Variants in PIEZO2 observed in about 807,000 individuals in gnomAD.
PIEZO2 encodes piezo-type mechanosensitive ion channel component 2.
A neutral mutation model predicts 337.3 loss-of-function variants in PIEZO2; 172 were observed. That is an observed-to-expected ratio of 0.51 (90% CI 0.45 to 0.58). The LOEUF (loss-of-function observed/expected upper bound fraction) is 0.58. Among genes scored for constraint, PIEZO2 ranks in the 20% least tolerant of loss-of-function variants. PIEZO2 has a pLI of 0.00. For missense variants in PIEZO2, 3,028 were observed against 3,391.3 expected, an observed-to-expected ratio of 0.89 and a Z score of 2.66; for synonymous variants, 1,251 against 1,228.5, an observed-to-expected ratio of 1.02 and a Z score of -0.38.
chr18:10,795,210 A>T lies in PIEZO2; in HGVS notation c.1528-208T>A, dbSNP rs1377946170. On this transcript the variant is annotated intron_variant, in intron 12 of 55. Coordinates refer to ENST00000674853, the MANE Select transcript of PIEZO2 (RefSeq NM_001378183.1). The surrounding 1 kb of genome is among the most constrained non-coding windows in gnomAD (Gnocchi z 4.4). ...TTTAAAGCTTTAACATTGTAGCTCC[A>T]TTAACACAGCAGAATGGTACCGGAC... Among the ~76,000 whole-genome samples the T allele has an allele frequency of 6.6e-6, 1 of 152,240 alleles. No individual in the cohort carries two copies. Among genetic ancestry groups the T allele is most frequent in the African/African-American group, 2.4e-5 (1 of 41,464 alleles).
chr18:10,721,843 C>G (rs2036323347), intron 36 of PIEZO2, among the ~76,000 whole-genome samples: 1 of 152,098 alleles, frequency 6.6e-6, no homozygotes, highest in Non-Finnish European at 1.5e-5. Context: ...CAAATTAGAT[C>G]TCCACTTCAT....
In PIEZO2 at chr18:11,097,828, C is replaced by T. The variant is rs1016898050; in HGVS notation, c.65-31606G>A. Among the ~76,000 whole-genome samples, 23 of 152,292 alleles carry T rather than the reference C, an allele frequency of 1.5e-4. No homozygotes were observed. The East Asian group carries it at 4.0e-3, about 27-fold the overall frequency. ...CCACTGGGCTGTTTTCTAAAGACTT[C>T]TGTGGACTTCTATGTTTTGTCTTTA... On this transcript the variant is annotated intron_variant, in intron 1 of 55. Coordinates refer to ENST00000674853, the MANE Select transcript of PIEZO2 (RefSeq NM_001378183.1). The surrounding 1 kb of genome is among the most constrained non-coding windows in gnomAD (Gnocchi z 5.0).
At chr18:10,968,415 C>T (rs1390584586) in intron 3 of PIEZO2, among the ~76,000 whole-genome samples, 1 of 152,010 alleles carries the variant, frequency 6.6e-6, no homozygotes, top group African/African-American at 2.4e-5. Context: ...TTTGGTTAGT[C>T]TTGCTTTCGC....
chr18:11,025,556 C>A (rs1460807223), intron 2 of PIEZO2, among the ~76,000 whole-genome samples: 1 of 152,112 alleles, frequency 6.6e-6, no homozygotes, highest in Admixed American at 6.5e-5. Context: ...TCCTGGCGAT[C>A]TTCTCCTGGC....
rs1442560268 is a variant in PIEZO2 at position 10,846,012 on chromosome 18, G to T, written c.917+9341C>A. ...GATTGAGGCAGTGGGAGTGCCGTGG[G>T]TGTATGAAGATTGATGATGACCTTT... On this transcript the variant is annotated intron_variant, in intron 7 of 55. Coordinates refer to ENST00000674853, the MANE Select transcript of PIEZO2 (RefSeq NM_001378183.1). This position sits in a 1 kb window ranked among gnomAD's most constrained non-coding sequence, Gnocchi z 4.1. 6.6e-6 allele frequency among the ~76,000 whole-genome samples: 1 copy of T among 152,164 alleles called. No individual in the cohort carries two copies. The highest frequency in any genetic ancestry group is 1.5e-5 in the Non-Finnish European group (1 of 68,036).
chr18:10,726,344 G>GCCT lies in PIEZO2; in HGVS notation c.5029+5060_5029+5062dup. The GCCT allele has an allele frequency of 6.7e-7, 1 of 1,487,830 alleles. No homozygotes were observed. The highest frequency in any genetic ancestry group is 8.9e-7 in the Non-Finnish European group (1 of 1,118,590). The allele number at this position is 1,487,830 out of a possible 1,614,324, so 92.2% of individuals were successfully genotyped here. ...GTCCCCGAACGCCCCGCCCAGCGCT[G>GCCT]CCTCCCTTCGCCTTCCCCGCAGGCA... On this transcript the variant is annotated intron_variant, in intron 36 of 55. Coordinates refer to ENST00000674853, the MANE Select transcript of PIEZO2 (RefSeq NM_001378183.1). This position sits in a 1 kb window ranked among gnomAD's most constrained non-coding sequence, Gnocchi z 5.9.
chr18:10,790,661 G>A (rs929544432), intron 14 of PIEZO2, among the ~76,000 whole-genome samples: 10 of 149,140 alleles, frequency 6.7e-5, no homozygotes, highest in Admixed American at 6.7e-4. Context: ...CAGAGCCTCA[G>A]TTTTTCTTTC....
At chr18:10,997,777 G>A (rs1323898914) in intron 2 of PIEZO2, among the ~76,000 whole-genome samples, 2 of 152,018 alleles carry the variant, frequency 1.3e-5, no homozygotes, top group Admixed American at 1.3e-4. Flanking sequence ...AGACTTAAGG[G>A]ACAAAATAAA....
intron 4 of PIEZO2, among the ~76,000 whole-genome samples, chr18:10,881,817 C>T (rs571181738): frequency 6.6e-6 from 1 of 152,202 alleles, no homozygotes; most frequent in East Asian, 1.9e-4. Context: ...TTAAAAATAC[C>T]CCAAAACCTA....
intron 2 of PIEZO2, among the ~76,000 whole-genome samples, chr18:11,056,925 AG>A (rs2037750338): frequency 6.6e-6 from 1 of 152,256 alleles, no homozygotes; most frequent in Non-Finnish European, 1.5e-5. Flanking sequence ...TGGTTTCAGC[AG>A]GAACAACTAT....
intron 28 of PIEZO2, among the ~76,000 whole-genome samples, chr18:10,752,240 G>A (rs569018574): frequency 9.2e-5 from 14 of 152,294 alleles, no homozygotes; most frequent in East Asian, 5.8e-4. Flanking sequence ...AGATAAGAGC[G>A]TTGCTTTTTG....
Position 10,853,048 on chromosome 18 carries a change from G to A in PIEZO2, c.917+2305C>T, listed in dbSNP as rs1429848204. ...GGGTGAGTGGGCTCAAGCATGTGCA[G>A]TAAGAGGTAAAATGGCGGAGTTTAA... On this transcript the variant is annotated intron_variant, in intron 7 of 55. Coordinates refer to ENST00000674853, the MANE Select transcript of PIEZO2 (RefSeq NM_001378183.1). The surrounding 1 kb of genome is among the most constrained non-coding windows in gnomAD (Gnocchi z 4.2). Among the ~76,000 whole-genome samples the A allele has an allele frequency of 5.3e-5, 8 of 152,352 alleles. No homozygotes were observed. The highest frequency in any genetic ancestry group is 1.9e-4 in the African/African-American group (8 of 41,582).
chr18:11,100,178 T>A (rs1318561762), intron 1 of PIEZO2, among the ~76,000 whole-genome samples: 1 of 152,220 alleles, frequency 6.6e-6, no homozygotes, highest in African/African-American at 2.4e-5. Context: ...GTAGGGTAGA[T>A]TTAAAAGTTT....
At position 10,775,234 on chromosome 18, in the gene PIEZO2, G is replaced by A. The variant is rs2038742700; in HGVS notation, c.2535-1196C>T. Among the ~76,000 whole-genome samples, 1 of 152,132 alleles carries A rather than the reference G, an allele frequency of 6.6e-6. No individual in the cohort carries two copies. Among genetic ancestry groups the A allele is most frequent in the Non-Finnish European group, 1.5e-5 (1 of 68,028 alleles). ...TAGTCAATTCATCCTCTCGACTTTG[G>A]AGAAGTTAGCTACTCTTAAAATTGC... On this transcript the variant is annotated intron_variant, in intron 18 of 55. Transcript: ENST00000674853. This position sits in a 1 kb window ranked among gnomAD's most constrained non-coding sequence, Gnocchi z 4.3.
chr18:10,698,878 C>T (rs2035212963), intron 44 of PIEZO2, 47 bp downstream of exon 44: 1 of 1,529,416 alleles, frequency 6.5e-7, no homozygotes, highest in Non-Finnish European at 8.7e-7. Context: ...AAAAACAAGG[C>T]CACCTGGGAG....
At chr18:11,066,847 A>C (rs2038170892) in intron 1 of PIEZO2, among the ~76,000 whole-genome samples, 1 of 152,142 alleles carries the variant, frequency 6.6e-6, no homozygotes, top group Admixed American at 6.6e-5. Flanking sequence ...TAATCTGCCC[A>C]CCTCAGCCTC....
chr18:10,960,167 A>T (rs1389698463), intron 3 of PIEZO2, among the ~76,000 whole-genome samples: 2 of 152,170 alleles, frequency 1.3e-5, no homozygotes, highest in Non-Finnish European at 2.9e-5. Context: ...AAATCCTAAA[A>T]ATGCCAAACC....
At chr18:10,703,792 C>A (rs564745054) in intron 42 of PIEZO2, among the ~76,000 whole-genome samples, 12 of 152,062 alleles carry the variant, frequency 7.9e-5, no homozygotes, top group Non-Finnish European at 1.6e-4. Flanking sequence ...CTCCTCATAC[C>A]CCGCATGGGA....
Position 10,677,743 on chromosome 18 carries a change from T to C in PIEZO2, c.8081+4A>G. 6.2e-7 allele frequency: 1 copy of C among 1,608,312 alleles called. No individual in the cohort carries two copies. ...GCTCTATTAGTAGGAAAAAATACACTTACACTGGTGTTTTTGAACTTTCTG... is the reference window on the plus strand; with the variant it reads ...GCTCTATTAGTAGGAAAAAATACACCTACACTGGTGTTTTTGAACTTTCTG... On this transcript the variant is annotated splice_donor_region_variant and intron_variant, in intron 53 of 55. Coordinates refer to ENST00000674853, the MANE Select transcript of PIEZO2 (RefSeq NM_001378183.1). The surrounding 1 kb of genome is among the most constrained non-coding windows in gnomAD (Gnocchi z 4.1).
Sources: gnomAD v4.1 joint callset for allele counts (sites outside exome capture counted in the v4.1 genomes callset) on GRCh38, gnomAD v4.1.1 for gene constraint, Gnocchi (gnomAD v3.1) non-coding constraint, MANE v1.5 for transcripts, NCBI Gene and HGNC (gene_info 2026-07-23, HGNC 2026-07-21) for gene names.